ERBB4: variants seen among roughly 807,000 people sequenced by gnomAD.
ERBB4 encodes the protein erb-b2 receptor tyrosine kinase 4.
In ERBB4, 42 loss-of-function variants were observed where a neutral mutation model predicts 158.0. The ratio of observed to expected loss-of-function variants is 0.27; its 90% CI spans 0.21 to 0.34. ERBB4 has a LOEUF of 0.34. ERBB4 is among the 10% of genes least tolerant of loss of function. ERBB4 has a pLI of 1.00. For missense variants in ERBB4, 1,333 were observed against 1,624.1 expected (o/e 0.82, Z 3.08); for synonymous variants, 583 against 558.7 (o/e 1.04, Z -0.61).
chr2:211,996,918 A>T (rs1050375182), intron 2 of ERBB4, among the ~76,000 whole-genome samples: 3 of 152,208 alleles, frequency 2.0e-5, no homozygotes, highest in Non-Finnish European at 2.9e-5. Flanking sequence ...ACCAAAAGAG[A>T]TTTTAACTGC....
chr2:211,429,127 T>G (rs2063697793), intron 21 of ERBB4, among the ~76,000 whole-genome samples: 1 of 152,132 alleles, frequency 6.6e-6, no homozygotes, highest in African/African-American at 2.4e-5. Flanking sequence ...CTAGTAAATA[T>G]TATGATTTAT....
intron 2 of ERBB4, among the ~76,000 whole-genome samples, chr2:211,959,350 C>T (rs887948491): frequency 2.6e-5 from 4 of 152,062 alleles, no homozygotes; most frequent in African/African-American, 2.4e-5. Flanking sequence ...GAAAGATTTA[C>T]AATAACTTGC....
chr2:211,464,342 A>G (rs1274169061), intron 20 of ERBB4, among the ~76,000 whole-genome samples: 2 of 152,204 alleles, frequency 1.3e-5, no homozygotes, highest in Non-Finnish European at 2.9e-5. Context: ...GTTATGCAAT[A>G]CTGTGGCCTT....
At chr2:212,032,808 T>C (rs928545412) in intron 2 of ERBB4, among the ~76,000 whole-genome samples, 1 of 151,926 alleles carries the variant, frequency 6.6e-6, no homozygotes, top group Non-Finnish European at 1.5e-5. Context: ...TAGAGAGTGG[T>C]TCCTGAAATA....
intron 1 of ERBB4, among the ~76,000 whole-genome samples, chr2:212,168,750 G>T (rs1402765): frequency 0.61 from 92,014 of 151,986 alleles, 28,926 homozygotes; most frequent in African/African-American, 0.67. Context: ...AGGACATTCA[G>T]GTAAGAGAAA....
chr2:212,394,320 TA>T (rs1468162807), intron 1 of ERBB4, among the ~76,000 whole-genome samples: 1 of 152,074 alleles, frequency 6.6e-6, no homozygotes, highest in Non-Finnish European at 1.5e-5. Context: ...TCAAAAATAT[TA>T]AATTTACAAT....
At chr2:211,421,028 G>A (rs1041677144) in intron 24 of ERBB4, among the ~76,000 whole-genome samples, 1 of 151,856 alleles carries the variant, frequency 6.6e-6, no homozygotes, top group Admixed American at 6.6e-5. Context: ...CAGGACCATA[G>A]GGTCTATACT....
chr2:212,398,852 T>C (rs1350599372), intron 1 of ERBB4, among the ~76,000 whole-genome samples: 8 of 152,166 alleles, frequency 5.3e-5, no homozygotes, highest in Admixed American at 5.2e-4. Context: ...CCAAAGCAGA[T>C]AGCATATTAA....
intron 1 of ERBB4, among the ~76,000 whole-genome samples, chr2:212,404,729 A>G (rs1001056122): frequency 2.0e-5 from 3 of 151,966 alleles, no homozygotes; most frequent in Non-Finnish European, 4.4e-5. Context: ...GGTTTGCAGT[A>G]CAGATTATTT....
At chr2:211,552,850 T>G (rs2067137506) in intron 20 of ERBB4, among the ~76,000 whole-genome samples, 1 of 152,216 alleles carries the variant, frequency 6.6e-6, no homozygotes. Context: ...AGCTTGAGAT[T>G]GAAAAGTTAG....
chr2:211,662,038 CAAAAAAAAAAAAAAAAAAAAAAAAA>C (rs61318918), intron 15 of ERBB4, among the ~76,000 whole-genome samples: 476 of 39,696 alleles, frequency 0.012, 3 homozygotes, highest in Middle Eastern at 0.024. Flanking sequence ...GACTCCGTCT[CAAAAAAAAAAAAAAAAAAAAAAAAA>C]AAAAAAAAAA....
intron 1 of ERBB4, among the ~76,000 whole-genome samples, chr2:212,336,986 T>C (rs897726390): frequency 1.3e-5 from 2 of 152,124 alleles, no homozygotes; most frequent in African/African-American, 4.8e-5. Context: ...AGTAGCAAGA[T>C]AGAAGTGCAT....
intron 1 of ERBB4, among the ~76,000 whole-genome samples, chr2:212,388,463 T>G (rs1400788715): frequency 6.6e-6 from 1 of 152,092 alleles, no homozygotes; most frequent in Non-Finnish European, 1.5e-5. Context: ...AATGGTTCTA[T>G]TCTTCTCAGA....
chr2:212,350,360 C>A (rs2089199896), intron 1 of ERBB4, among the ~76,000 whole-genome samples: 1 of 152,048 alleles, frequency 6.6e-6, no homozygotes, highest in Admixed American at 6.6e-5. Context: ...ACGAGGTTTT[C>A]CCTCTTTCCC....
intron 9 of ERBB4, among the ~76,000 whole-genome samples, chr2:211,706,620 A>G (rs866529144): frequency 2.0e-5 from 3 of 152,154 alleles, no homozygotes; most frequent in African/African-American, 7.2e-5. Context: ...AAAAAACAAA[A>G]AAAACTTTGC....
chr2:211,639,082 A>C (rs116772771), intron 16 of ERBB4, among the ~76,000 whole-genome samples: 4,241 of 152,270 alleles, frequency 0.028, 181 homozygotes, highest in African/African-American at 0.097. Context: ...TTAAGAGGTC[A>C]GATGAAGTTT....
chr2:211,419,774 G>T (rs1179036964), intron 25 of ERBB4, among the ~76,000 whole-genome samples: 2 of 152,022 alleles, frequency 1.3e-5, no homozygotes, highest in Non-Finnish European at 2.9e-5. Context: ...TATGAGGAAT[G>T]AATTTATAAA....
intron 19 of ERBB4, among the ~76,000 whole-genome samples, chr2:211,570,318 A>AT (rs2067680462): frequency 1.4e-5 from 1 of 69,798 alleles, no homozygotes; most frequent in Non-Finnish European, 2.6e-5. Context: ...CACTTGGCTA[A>AT]TTTTTGCTTT....
At chr2:212,052,209 T>G (rs1559391439) in intron 2 of ERBB4, among the ~76,000 whole-genome samples, 1 of 152,148 alleles carries the variant, frequency 6.6e-6, no homozygotes, top group Non-Finnish European at 1.5e-5. Flanking sequence ...CCATGCTGGT[T>G]GTTTCCTGCC....
Sources: gnomAD v4.1 joint callset for allele counts (sites outside exome capture counted in the v4.1 genomes callset) on GRCh38, gnomAD v4.1.1 for gene constraint, MANE v1.5 for transcripts, NCBI Gene and HGNC (gene_info 2026-07-23, HGNC 2026-07-21) for gene names.